NACA: variants seen among roughly 807,000 people sequenced by gnomAD.
The protein encoded by NACA is nascent polypeptide-associated complex subunit alpha.
Under a neutral mutation model 86.4 loss-of-function variants are expected in NACA, and 42 were observed. That is an observed-to-expected ratio of 0.49 (90% CI 0.38 to 0.63). The LOEUF is 0.63. Ranked by LOEUF, NACA falls within the 20% of genes least tolerant of loss-of-function variation. The pLI is 0.00. For missense variants in NACA, 2,157 were observed against 2,483.6 expected (o/e 0.87, Z 2.80); for synonymous variants, 898 against 973.7 (o/e 0.92, Z 1.45).
At chr12:56,721,599 TA>T (rs1444713670) in intron 2 of NACA, 140 bp from the exon 3 acceptor site, 1 of 548,684 alleles carries the variant, frequency 1.8e-6, no homozygotes, top group Non-Finnish European at 3.1e-6. Context: ...CACGCAGGAT[TA>T]GATAAAGGTG....
chr12:56,718,622 G>A lies in NACA; in HGVS notation c.2908C>T (p.Pro970Ser), dbSNP rs747142033. 1.9e-5 allele frequency: 24 copies of A among 1,287,012 alleles called. No homozygotes were observed. The East Asian group carries it at 7.5e-4, about 40-fold the overall frequency. The allele number at this position is 1,287,012 out of a possible 1,614,324, so 79.7% of individuals were successfully genotyped here. Residue 970 changes from proline (P) to serine (S), a missense_variant, in exon 3 of 9, where the codon CCT (proline) becomes TCT (serine). Around this residue, in one of 8 missense-constraint regions of NACA, gnomAD observed 124 missense variants for 186.5 expected, o/e 0.66. Transcript: ENST00000454682. Reference protein sequence around the residue: ...KWAPTPPAATPPSPKGGPATP... With the variant: ...KWAPTPPAATSPSPKGGPATP... ...GCTGGACCTCCTTTTGGGGAGGGAG[G>A]AGTTGCAGCTGGGGGTGTGGGGGCC...
intron 2 of NACA, among the ~76,000 whole-genome samples, chr12:56,722,847 A>C (rs1173677827): frequency 7.6e-6 from 1 of 131,142 alleles, no homozygotes; most frequent in Non-Finnish European, 1.6e-5. Flanking sequence ...GTAACACAGA[A>C]TTGGATCAAC....
intron 3 of NACA, 55 bp downstream of exon 3, chr12:56,715,816 C>A: frequency 6.9e-7 from 1 of 1,443,462 alleles, no homozygotes; most frequent in Non-Finnish European, 9.2e-7. Flanking sequence ...GGGTAGCGCC[C>A]AAGAGGGGTG....
At chr12:56,715,415 T>A (rs544936042) in intron 3 of NACA, among the ~76,000 whole-genome samples, 26 of 151,402 alleles carry the variant, frequency 1.7e-4, no homozygotes, top group Non-Finnish European at 3.4e-4. Context: ...GAAAAGGGAG[T>A]CCCTGGGCAA....
In NACA at chr12:56,717,976, C is replaced by T. The variant is rs1289828040; in HGVS notation, c.3554G>A (p.Gly1185Asp). Residue 1185 changes from glycine (G) to aspartate (D), a missense_variant, in exon 3 of 9, where the codon GGT (glycine) becomes GAT (aspartate). Physicochemically the swap from Gly to Asp is moderately conservative, Grantham distance 94 (BLOSUM62 -1). Around this residue, in one of 8 missense-constraint regions of NACA, gnomAD observed 10 missense variants for 129.4 expected, o/e 0.08. Transcript: ENST00000454682. ...PAATPPSPKGGLATPSPKGAP... is the reference protein window; with the variant it reads ...PAATPPSPKGDLATPSPKGAP... ...CCCTTTGGGGGATGGGGTAGCTAGA[C>T]CTCCTTTTGGGGAAGGAGGAGTTGC... 1 of 1,075,830 alleles carries T rather than the reference C, an allele frequency of 9.3e-7. No homozygotes were observed. The highest frequency in any genetic ancestry group is 4.7e-5 in the East Asian group (1 of 21,254). The allele number at this position is 1,075,830 out of a possible 1,614,324, so 66.6% of individuals were successfully genotyped here. A position where few individuals can be genotyped will look rare whatever the true frequency, so the allele number is the denominator to read the frequency against.
intron 2 of NACA, 149 bp downstream of exon 2, chr12:56,724,303 A>G: frequency 1.6e-6 from 1 of 620,244 alleles, no homozygotes; most frequent in Non-Finnish European, 2.6e-6. Context: ...CTAAAGAAGT[A>G]TCTCCAGGAT....
intron 4 of NACA, 43 bp downstream of exon 4, chr12:56,714,559 C>T (rs372870025): frequency 6.5e-5 from 105 of 1,610,660 alleles, no homozygotes; most frequent in Non-Finnish European, 8.8e-5. Flanking sequence ...CCTGATCAAC[C>T]CTGCTTCTTT....
At chr12:56,713,724 G>T in intron 5 of NACA, 41 bp from the exon 6 acceptor site, 1 of 1,593,084 alleles carries the variant, frequency 6.3e-7, no homozygotes, top group Non-Finnish European at 8.6e-7. Flanking sequence ...AACCTCTTTA[G>T]AAGCAGCCTA....
Position 56,721,220 on chromosome 12 carries a change from G to C in NACA, c.310C>G (p.Pro104Ala). The C allele has an allele frequency of 6.2e-7, 1 of 1,613,844 alleles. No individual in the cohort carries two copies. Among genetic ancestry groups the C allele is most frequent in the Non-Finnish European group, 8.5e-7 (1 of 1,179,806 alleles). Residue 104 changes from proline to alanine, a missense_variant, in exon 3 of 9, where the codon CCA (proline) becomes GCA (alanine). Coordinates refer to ENST00000454682, the MANE Select transcript of NACA (RefSeq NM_001365896.1). ...GAGATGGGAGGCCCTATTAGGTTTG[G>C]TAGGAAGGTTGGGGCTTCAGGGGCA... Reference protein sequence around the residue: ...GTAPEAPTFLPNLIGPPISPA... With the variant: ...GTAPEAPTFLANLIGPPISPA...
Position 56,716,017 on chromosome 12 carries a change from T to A in NACA, c.5513A>T (p.Asp1838Val). Reference sequence around the variant, plus strand: ...CGGGGGAATCAGAGGCAGCAGCTCATCCTCATCAGCAGGGGCAAGGGGTTT... The same window carrying A: ...CGGGGGAATCAGAGGCAGCAGCTCAACCTCATCAGCAGGGGCAAGGGGTTT... ...PSKPLAPADE[D>V]ELLPLIPPEP... The change falls in exon 3 of 9, where the codon GAT (aspartate) becomes GTT (valine). Residue 1838 changes from aspartate (D) to valine (V), a missense_variant. Transcript: ENST00000454682. 1 of 1,602,592 alleles carries A rather than the reference T, an allele frequency of 6.2e-7. No individual in the cohort carries two copies. Among genetic ancestry groups the A allele is most frequent in the South Asian group, 1.1e-5 (1 of 89,830 alleles).
At position 56,720,514 on chromosome 12, in the gene NACA, A is replaced by G. The variant is rs1368994661; in HGVS notation, c.1016T>C (p.Ile339Thr). The change falls in exon 3 of 9, where the codon ATT becomes ACT. Residue 339 changes from isoleucine to threonine, a missense_variant. Transcript: ENST00000454682. ...SALSDPTVKT[I>T]SVDHSSTGAS... ...CCCTGTGGAAGAATGATCTACAGAAATGGTCTTCACTGTAGGGTCTGACAA... is the reference window on the plus strand; with the variant it reads ...CCCTGTGGAAGAATGATCTACAGAAGTGGTCTTCACTGTAGGGTCTGACAA... 6.2e-7 allele frequency: 1 copy of G among 1,613,766 alleles called. No individual in the cohort carries two copies. The highest frequency in any genetic ancestry group is 8.5e-7 in the Non-Finnish European group (1 of 1,179,794).
rs1953518158 is a variant in NACA at position 56,719,790 on chromosome 12, T to C, written c.1740A>G (p.Pro580=). 1 of 1,613,824 alleles carries C rather than the reference T, an allele frequency of 6.2e-7. No individual in the cohort carries two copies. The part of the protein sequence containing the change: ...SPSFQSTSSS[P]EIPLSPEATL... ...TGGCTTCAGGAGAAAGAGGTATCTC[T>C]GGAGAAGAGGATGTACTTTGGAAAG... The change falls in exon 3 of 9, where the codon CCA becomes CCG. Residue 580 remains proline (P), a synonymous_variant. Coordinates refer to ENST00000454682, the MANE Select transcript of NACA (RefSeq NM_001365896.1).
chr12:56,714,616 T>A lies in NACA; in HGVS notation c.5731A>T (p.Thr1911Ser), dbSNP rs1953300349. ...LEEQDSTQAT[T>S]QQAQLAAAAE... is the part of the protein sequence containing the mutation. ...AGAATACCCACCTGGGCTTGTTGTG[T>A]GGTTGCCTGGGTGGAATCCTGTTCT... Residue 1911 changes from threonine (T) to serine (S), a missense_variant, in exon 4 of 9, where the codon ACA becomes TCA. Physicochemically the swap from Thr to Ser is moderately conservative, Grantham distance 58. Coordinates refer to ENST00000454682, the MANE Select transcript of NACA (RefSeq NM_001365896.1). 6.2e-7 allele frequency: 1 copy of A among 1,614,068 alleles called. No homozygotes were observed. Among genetic ancestry groups the A allele is most frequent in the Non-Finnish European group, 8.5e-7 (1 of 1,180,032 alleles).
At chr12:56,714,928 C>G (rs1953311606) in intron 3 of NACA, among the ~76,000 whole-genome samples, 1 of 152,168 alleles carries the variant, frequency 6.6e-6, no homozygotes, top group South Asian at 2.1e-4. Flanking sequence ...CTAGAAATAG[C>G]TGAGCAGTTT....
chr12:56,717,227 G>C lies in NACA; in HGVS notation c.4303C>G (p.Pro1435Ala). The C allele has an allele frequency of 2.3e-6, 3 of 1,315,508 alleles. No homozygotes were observed. The highest frequency in any genetic ancestry group is 3.0e-6 in the Non-Finnish European group (3 of 1,009,978). The allele number at this position is 1,315,508 out of a possible 1,614,324, so 81.5% of individuals were successfully genotyped here. The change falls in exon 3 of 9, where the codon CCC becomes GCC. Residue 1435 changes from proline to alanine, a missense_variant. Physicochemically the swap from Pro to Ala is conservative, Grantham distance 27 (BLOSUM62 -1). Transcript: ENST00000454682. Reference protein sequence around the residue: ...AATPSKGDLTPPAVTPVSLKK... With the variant: ...AATPSKGDLTAPAVTPVSLKK... The stretch of plus-strand genomic sequence containing the variant: ...AGGGAGACAGGAGTCACTGCTGGGG[G>C]AGTGAGATCTCCTTTGGATGGGGTG...
Position 56,716,185 on chromosome 12 carries a change from A to T in NACA, c.5345T>A (p.Leu1782His), listed in dbSNP as rs983321183. The change falls in exon 3 of 9, where the codon CTT (leucine) becomes CAT (histidine). Residue 1782 changes from leucine to histidine, a missense_variant. Physicochemically the swap from Leu to His is moderately conservative, Grantham distance 99. Transcript: ENST00000454682. The part of the protein sequence containing the change: ...PLTAAAFEKV[L>H]PKPESASVSA... ...GACAGATGCTGATTCAGGTTTAGGA[A>T]GGACCTTCTCAAAGGCAGCTGCTGT... The T allele has an allele frequency of 6.2e-7, 1 of 1,613,610 alleles. No individual in the cohort carries two copies. The highest frequency in any genetic ancestry group is 1.3e-5 in the African/African-American group (1 of 74,902).
Position 56,716,517 on chromosome 12 carries a change from C to T in NACA, c.5013G>A (p.Gly1671=), listed in dbSNP as rs1953368961. 1 of 1,493,700 alleles carries T rather than the reference C, an allele frequency of 6.7e-7. No individual in the cohort carries two copies. Among genetic ancestry groups the T allele is most frequent in the Non-Finnish European group, 9.1e-7 (1 of 1,103,240 alleles). 92.5% of individuals were successfully genotyped at this position (1,493,700 alleles called of 1,614,324 possible). The change falls in exon 3 of 9, where the codon GGG becomes GGA. Residue 1671 remains glycine (G), a synonymous_variant. Coordinates refer to ENST00000454682, the MANE Select transcript of NACA (RefSeq NM_001365896.1). The part of the protein sequence containing the change: ...MGATVPQASK[G]LPAKKGPTAL... ...CTGTGGGGCCTTTCTTTGCTGGAAG[C>T]CCTTTAGATGCTTGAGGAACAGTGG...
Position 56,716,399 on chromosome 12 carries a change from C to A in NACA, c.5131G>T (p.Ala1711Ser). 6.2e-7 allele frequency: 1 copy of A among 1,606,106 alleles called. No individual in the cohort carries two copies. The highest frequency in any genetic ancestry group is 8.5e-7 in the Non-Finnish European group (1 of 1,175,444). ...TCTGGGCATATAGGAGGTGAAGTAGCAGAACTCTTTTTGGTCTGTGGACCT... is the reference window on the plus strand; with the variant it reads ...TCTGGGCATATAGGAGGTGAAGTAGAAGAACTCTTTTTGGTCTGTGGACCT... ...RKGPQTKKSSATSPPICPDPS... is the reference protein window; with the variant it reads ...RKGPQTKKSSSTSPPICPDPS... The change falls in exon 3 of 9, where the codon GCT becomes TCT. Residue 1711 changes from alanine to serine, a missense_variant. Physicochemically the swap from Ala to Ser is moderately conservative, Grantham distance 99. Coordinates refer to ENST00000454682, the MANE Select transcript of NACA (RefSeq NM_001365896.1).
Position 56,712,920 on chromosome 12 carries a change from G to C in NACA, c.6100-12C>G. The C allele has an allele frequency of 1.2e-6, 2 of 1,614,078 alleles. No homozygotes were observed. The highest frequency in any genetic ancestry group is 1.7e-6 in the Non-Finnish European group (2 of 1,179,990). ...CCTGTTTCATCGACCTGAGAGATGAGAGGGAAAAAGCAGTAAATTAAAGGC... is the reference window on the plus strand; with the variant it reads ...CCTGTTTCATCGACCTGAGAGATGACAGGGAAAAAGCAGTAAATTAAAGGC... On this transcript the variant is annotated splice_polypyrimidine_tract_variant and intron_variant, in intron 7 of 8. Transcript: ENST00000454682.
Sources: allele counts gnomAD v4.1 joint callset (sites outside exome capture counted in the v4.1 genomes callset), GRCh38; gene constraint gnomAD v4.1.1; regional missense constraint gnomAD v4.1.1; transcripts MANE v1.5; gene names NCBI Gene and HGNC (gene_info 2026-07-23, HGNC 2026-07-21).